Variants in PRDM5 observed in about 807,000 individuals in gnomAD.
PRDM5 encodes PR domain zinc finger protein 5.
PRDM5 carries 56 observed loss-of-function variants against 81.2 expected under a neutral mutation model. The observed-to-expected ratio is 0.69, with a 90% CI of 0.56 to 0.86. The LOEUF (loss-of-function observed/expected upper bound fraction) is 0.86. Ranked by LOEUF, PRDM5 falls within the 40% of genes least tolerant of loss-of-function variation. The probability of loss-of-function intolerance (pLI) is 0.00; values close to 1 mark genes in which losing one functional copy is unlikely to be tolerated. For synonymous variants in PRDM5, 267 were observed against 256.4 expected, an observed-to-expected ratio of 1.04 and a Z score of -0.39; for missense variants, 697 against 770.1, an observed-to-expected ratio of 0.91 and a Z score of 1.12.
Position 120,784,637 on chromosome 4 carries a change from TAA to T in PRDM5, c.1282+359_1282+360del, listed in dbSNP as rs367948866. On this transcript the variant is annotated intron_variant, in intron 11 of 15. Transcript: ENST00000264808. ...AACGATGCCAGATATCTGCATATTT[TAA>T]AGAGTCTGACACGTTTTCTTAATCA... is the stretch of plus-strand genomic sequence containing the variant. 1.6e-4 allele frequency among the ~76,000 whole-genome samples: 24 copies of T among 152,254 alleles called. 1 individual carries two copies. The East Asian group carries it at 3.7e-3, about 23-fold the overall frequency.
chr4:120,703,055 C>T (rs958799982), intron 15 of PRDM5, among the ~76,000 whole-genome samples: 1 of 152,206 alleles, frequency 6.6e-6, no homozygotes, highest in Admixed American at 6.6e-5. Context: ...CTGAAATGCT[C>T]TTTTCCCTAT....
intron 2 of PRDM5, among the ~76,000 whole-genome samples, chr4:120,875,261 A>G (rs2053875): frequency 1.3e-5 from 2 of 152,122 alleles, no homozygotes; most frequent in Non-Finnish European, 2.9e-5. Flanking sequence ...AATACAGATT[A>G]AAACAAAGAC....
intron 14 of PRDM5, among the ~76,000 whole-genome samples, chr4:120,740,207 C>T (rs902075711): frequency 3.9e-5 from 6 of 152,052 alleles, no homozygotes; most frequent in Non-Finnish European, 7.4e-5. Flanking sequence ...ATTCCAAAAT[C>T]GAATTAACGA....
intron 14 of PRDM5, among the ~76,000 whole-genome samples, chr4:120,720,267 T>C (rs897035657): frequency 6.6e-6 from 1 of 152,188 alleles, no homozygotes; most frequent in Non-Finnish European, 1.5e-5. Flanking sequence ...TCCTGACCAC[T>C]GATCAGAGGT....
intron 13 of PRDM5, among the ~76,000 whole-genome samples, chr4:120,758,263 C>A (rs914719371): frequency 1.3e-5 from 2 of 152,016 alleles, no homozygotes; most frequent in African/African-American, 4.8e-5. Context: ...CTCTGGAGAA[C>A]CCTAATACAA....
At chr4:120,782,666 T>C (rs569288182) in intron 11 of PRDM5, among the ~76,000 whole-genome samples, 35 of 152,278 alleles carry the variant, frequency 2.3e-4, no homozygotes, top group African/African-American at 7.9e-4. Flanking sequence ...AGTATTATTC[T>C]TATACACTAT....
chr4:120,815,195 A>C (rs759172457), intron 7 of PRDM5, among the ~76,000 whole-genome samples: 27 of 152,372 alleles, frequency 1.8e-4, no homozygotes, highest in Non-Finnish European at 3.2e-4. Context: ...CTAGAACAGC[A>C]TTGAAAATCA....
intron 14 of PRDM5, among the ~76,000 whole-genome samples, chr4:120,745,352 T>C (rs1742826354): frequency 8.5e-6 from 1 of 118,180 alleles, no homozygotes; most frequent in Non-Finnish European, 1.7e-5. Context: ...ACTGGAAGCA[T>C]TCCCTTTGAA....
At chr4:120,874,745 T>C in intron 2 of PRDM5, among the ~76,000 whole-genome samples, 1 of 151,524 alleles carries the variant, frequency 6.6e-6, no homozygotes, top group African/African-American at 2.4e-5. Flanking sequence ...AGAAATTGAG[T>C]TTCTTTTTCT....
rs5861483 is a variant in PRDM5 at position 120,699,944 on chromosome 4, AAAAT to A, written c.1729-4673_1729-4670del. 9.4e-5 allele frequency among the ~76,000 whole-genome samples: 14 copies of A among 148,602 alleles called. No individual in the cohort carries two copies. The South Asian group carries it at 2.4e-3, about 25-fold the overall frequency. On this transcript the variant is annotated intron_variant, in intron 15 of 15. Coordinates refer to ENST00000264808, the MANE Select transcript of PRDM5 (RefSeq NM_018699.4). ...ACTATTCTAAAATTTATATAGAACC[AAAAT>A]AAATAAATAAATAAATAAATAAAAA...
At chr4:120,785,634 T>C (rs1298675111) in intron 10 of PRDM5, among the ~76,000 whole-genome samples, 1 of 152,198 alleles carries the variant, frequency 6.6e-6, no homozygotes, top group Non-Finnish European at 1.5e-5. Context: ...TTAACATTCA[T>C]TAAATATTTA....
At chr4:120,833,789 T>A (rs1357342762) in intron 3 of PRDM5, among the ~76,000 whole-genome samples, 1 of 152,086 alleles carries the variant, frequency 6.6e-6, no homozygotes, top group African/African-American at 2.4e-5. Context: ...TTGGAACATA[T>A]CCCCGAAGAG....
At chr4:120,832,978 A>T (rs543680072) in intron 3 of PRDM5, among the ~76,000 whole-genome samples, 17 of 152,260 alleles carry the variant, frequency 1.1e-4, no homozygotes, top group Non-Finnish European at 2.4e-4. Context: ...TATTCAATAC[A>T]TTTACTACAG....
intron 2 of PRDM5, among the ~76,000 whole-genome samples, chr4:120,897,971 G>T (rs1158605399): frequency 1.3e-5 from 2 of 152,090 alleles, no homozygotes; most frequent in African/African-American, 4.8e-5. Flanking sequence ...CATTTTTAGT[G>T]ATATGGTCCT....
intron 12 of PRDM5, among the ~76,000 whole-genome samples, chr4:120,778,714 A>G (rs1324564553): frequency 6.6e-6 from 1 of 152,140 alleles, no homozygotes; most frequent in African/African-American, 2.4e-5. Flanking sequence ...ATGCTAGCCA[A>G]CAACACTGTG....
chr4:120,885,905 A>T (rs910479996), intron 2 of PRDM5: 11 of 152,080 alleles, frequency 7.2e-5, no homozygotes, highest in Admixed American at 3.3e-4. Flanking sequence ...TCTTTTAGTC[A>T]AACAATTTGG....
intron 2 of PRDM5, among the ~76,000 whole-genome samples, chr4:120,904,206 C>CAAAAAAAA (rs1157460080): frequency 9.2e-6 from 1 of 108,214 alleles, no homozygotes; most frequent in South Asian, 3.2e-4. Context: ...AAAAAAAAAA[C>CAAAAAAAA]AAAAAAACCT....
At chr4:120,720,505 A>G (rs1229942911) in intron 14 of PRDM5, among the ~76,000 whole-genome samples, 2 of 152,170 alleles carry the variant, frequency 1.3e-5, no homozygotes, top group African/African-American at 4.8e-5. Context: ...TTTCTATTAC[A>G]CACAGCTGAG....
intron 14 of PRDM5, among the ~76,000 whole-genome samples, chr4:120,743,241 TCA>T (rs1488323007): frequency 6.6e-6 from 1 of 151,392 alleles, no homozygotes; most frequent in African/African-American, 2.5e-5. Context: ...AGAGATTTTG[TCA>T]CCACTAGGCC....
Sources: allele counts gnomAD v4.1 joint callset (sites outside exome capture counted in the v4.1 genomes callset), GRCh38; gene constraint gnomAD v4.1.1; transcripts MANE v1.5; gene names NCBI Gene and HGNC (gene_info 2026-07-23, HGNC 2026-07-21).